STK32A: variants seen among roughly 807,000 people sequenced by gnomAD.
The protein encoded by STK32A is serine/threonine-protein kinase 32A.
STK32A carries 41 observed loss-of-function variants against 53.2 expected under a neutral mutation model. The ratio of observed to expected loss-of-function variants is 0.77; its 90% confidence interval spans 0.60 to 1.00. The LOEUF (loss-of-function observed/expected upper bound fraction) is 1.00, where lower values mean the gene tolerates loss of function less well. Among genes scored for constraint, STK32A ranks in the 50% least tolerant of loss-of-function variants. STK32A has a pLI of 0.00. For synonymous variants in STK32A, 166 were observed against 162.8 expected (o/e 1.02, Z -0.15); for missense variants, 458 against 485.8 (o/e 0.94, Z 0.54).
intron 8 of STK32A, among the ~76,000 whole-genome samples, chr5:147,362,520 A>G (rs1396091243): frequency 6.6e-6 from 1 of 152,194 alleles, no homozygotes; most frequent in Non-Finnish European, 1.5e-5. Context: ...ATACCATCAA[A>G]TTGAGGGTTA....
intron 2 of STK32A, 114 bp downstream of exon 2, chr5:147,239,800 AG>A: frequency 1.3e-6 from 1 of 782,256 alleles, no homozygotes; most frequent in Non-Finnish European, 2.1e-6. Context: ...TGAAGGAAAA[AG>A]GCAAAGCTGC....
chr5:147,239,784 GGGCCTT>G, intron 2 of STK32A, 98 bp downstream of exon 2: 1 of 914,316 alleles, frequency 1.1e-6, no homozygotes. Context: ...ATGGTCTGTA[GGGCCTT>G]GAAGGAAAAA....
chr5:147,318,116 C>G (rs1210784534), intron 4 of STK32A, among the ~76,000 whole-genome samples: 9 of 151,936 alleles, frequency 5.9e-5, no homozygotes, highest in Admixed American at 5.9e-4. Flanking sequence ...GTGTTTATAT[C>G]CTTTTTAAAT....
chr5:147,261,795 A>G (rs954207991), intron 2 of STK32A, among the ~76,000 whole-genome samples: 1 of 152,218 alleles, frequency 6.6e-6, no homozygotes, highest in Non-Finnish European at 1.5e-5. Flanking sequence ...AGGAACCCTG[A>G]AAATTATATA....
the STK32A span, among the ~76,000 whole-genome samples, chr5:147,397,156 ATG>A: frequency 6.5e-5 from 3 of 46,482 alleles, no homozygotes; most frequent in East Asian, 9.6e-4. Flanking sequence ...ATTTGCACAC[ATG>A]TATGTATCTA....
chr5:147,282,607 T>C (rs1034751655), intron 4 of STK32A, among the ~76,000 whole-genome samples: 9 of 152,060 alleles, frequency 5.9e-5, no homozygotes, highest in African/African-American at 1.9e-4. Flanking sequence ...AGGAATTTCA[T>C]GCAAATGGAC....
intron 7 of STK32A, among the ~76,000 whole-genome samples, chr5:147,358,102 C>T (rs555372062): frequency 3.3e-5 from 5 of 151,844 alleles, no homozygotes; most frequent in Non-Finnish European, 7.4e-5. Context: ...TTCTTTATGT[C>T]CTGACCAAAA....
At chr5:147,264,621 A>AT (rs1376502670) in intron 2 of STK32A, among the ~76,000 whole-genome samples, 1 of 152,252 alleles carries the variant, frequency 6.6e-6, no homozygotes, top group East Asian at 1.9e-4. Flanking sequence ...TAAAATTATT[A>AT]TGCCAGATGT....
intron 5 of STK32A, among the ~76,000 whole-genome samples, chr5:147,340,846 G>A (rs1755369057): frequency 6.6e-6 from 1 of 151,746 alleles, no homozygotes; most frequent in Non-Finnish European, 1.5e-5. Context: ...TTATCTTTAG[G>A]TTTTCTGTAT....
At chr5:147,284,964 T>A (rs1752259847) in intron 4 of STK32A, among the ~76,000 whole-genome samples, 1 of 152,080 alleles carries the variant, frequency 6.6e-6, no homozygotes, top group Non-Finnish European at 1.5e-5. Context: ...CTAAAATTCA[T>A]ATGGAACCAA....
intron 2 of STK32A, among the ~76,000 whole-genome samples, 171 bp from the exon 3 acceptor site, chr5:147,277,953 T>C (rs1751844633): frequency 6.6e-6 from 1 of 152,234 alleles, no homozygotes; most frequent in South Asian, 2.1e-4. Flanking sequence ...CTAGGATTAA[T>C]ACATAGTAAG....
chr5:147,276,439 C>T (rs532289757), intron 2 of STK32A, among the ~76,000 whole-genome samples: 1 of 152,258 alleles, frequency 6.6e-6, no homozygotes, highest in South Asian at 2.1e-4. Context: ...TTTCATAACT[C>T]ATTAATGGGT....
intron 5 of STK32A, among the ~76,000 whole-genome samples, chr5:147,338,098 G>T (rs1015508916): frequency 1.3e-5 from 2 of 152,138 alleles, no homozygotes; most frequent in Admixed American, 6.5e-5. Flanking sequence ...CTTATGATAT[G>T]GATGTGTTTT....
chr5:147,274,303 A>C (rs143137054), intron 2 of STK32A, among the ~76,000 whole-genome samples: 1 of 152,138 alleles, frequency 6.6e-6, no homozygotes, highest in South Asian at 2.1e-4. Context: ...CCCTGTCAGC[A>C]TGAGTGAGAA....
intron 4 of STK32A, among the ~76,000 whole-genome samples, chr5:147,316,738 C>A (rs1424547938): frequency 1.3e-5 from 2 of 151,596 alleles, no homozygotes; most frequent in African/African-American, 4.9e-5. Flanking sequence ...CATCTTTAGT[C>A]CTAGCCACTT....
intron 4 of STK32A, among the ~76,000 whole-genome samples, chr5:147,286,533 T>C (rs1752348633): frequency 6.6e-6 from 1 of 152,162 alleles, no homozygotes; most frequent in Non-Finnish European, 1.5e-5. Context: ...AACATTTTCC[T>C]TTTGCTAGTC....
rs533679293 is a variant in STK32A, at chr5:147,299,768, C to T, written c.260+20370C>T. ...CTACGGAAAAAAGAAGAGGCAGTTTCTAACTTGTTCGCCAAAAATTTACGT... is the reference window on the plus strand; with the variant it reads ...CTACGGAAAAAAGAAGAGGCAGTTTTTAACTTGTTCGCCAAAAATTTACGT... On this transcript the variant is annotated intron_variant, in intron 4 of 12. Coordinates refer to ENST00000397936, the MANE Select transcript of STK32A (RefSeq NM_001112724.2). Among the ~76,000 whole-genome samples the T allele has an allele frequency of 5.3e-5, 8 of 152,300 alleles. No homozygotes were observed. In the East Asian group the frequency reaches 1.5e-3, roughly 29 times the overall value.
chr5:147,280,091 G>A (rs1182293190), intron 4 of STK32A, among the ~76,000 whole-genome samples: 1 of 152,160 alleles, frequency 6.6e-6, no homozygotes, highest in Non-Finnish European at 1.5e-5. Flanking sequence ...GGGAGAAGAA[G>A]CAGCAGAAAG....
intron 2 of STK32A, among the ~76,000 whole-genome samples, chr5:147,269,518 A>C (rs913838208): frequency 3.3e-5 from 5 of 152,234 alleles, no homozygotes; most frequent in African/African-American, 1.2e-4. Context: ...TTCCATGTCG[A>C]ATTGACTTTG....
Sources: allele counts gnomAD v4.1 joint callset (sites outside exome capture counted in the v4.1 genomes callset), GRCh38; gene constraint gnomAD v4.1.1; transcripts MANE v1.5; gene names NCBI Gene and HGNC (gene_info 2026-07-23, HGNC 2026-07-21).